Variants in DACH2 observed in about 807,000 individuals in gnomAD.
DACH2 encodes dachshund homolog 2.
Under a neutral mutation model 35.8 loss-of-function variants are expected in DACH2, and 17 were observed. The ratio of observed to expected loss-of-function variants is 0.48; its 90% confidence interval spans 0.33 to 0.71. DACH2 has a LOEUF of 0.71. Among genes scored for constraint, DACH2 ranks in the 30% least tolerant of loss-of-function variants. The pLI is 0.02. For synonymous variants in DACH2, 195 were observed against 177.3 expected (o/e 1.10, Z -0.79); for missense variants, 469 against 472.7 (o/e 0.99, Z 0.07).
At chrX:86,342,535 G>A (rs943791385) in intron 1 of DACH2, among the ~76,000 whole-genome samples, 12 of 108,309 alleles carry the variant, frequency 1.1e-4, no homozygotes, top group Non-Finnish European at 2.1e-4. Flanking sequence ...GGCCAGGTAC[G>A]GTGGCTCACT....
chrX:86,376,859 A>G lies in DACH2; in HGVS notation c.524A>G (p.Asn175Ser). The change falls in exon 2 of 12, where the codon AAC becomes AGC. Residue 175 changes from asparagine (N) to serine (S), a missense_variant. By Grantham distance (46) the Asn-to-Ser change is conservative. Transcript: ENST00000373125. ...CAAATGACAAGAAAACAAGCTGTTAACAGGTATTTATGTATTTATTTTTTA... is the reference window on the plus strand; with the variant it reads ...CAAATGACAAGAAAACAAGCTGTTAGCAGGTATTTATGTATTTATTTTTTA... ...KRQMTRKQAV[N>S]SSRPGRPPKR... is the part of the protein sequence containing the mutation. The G allele has an allele frequency of 1.3e-6, 1 of 797,662 alleles. No individual in the cohort carries two copies. The highest frequency in any genetic ancestry group is 1.9e-6 in the Non-Finnish European group (1 of 529,729). The allele number at this position is 797,662 out of a possible 1,213,427, so 65.7% of individuals were successfully genotyped here.
intron 2 of DACH2, among the ~76,000 whole-genome samples, chrX:86,445,578 A>AAAAAG (rs1556171759): frequency 5.8e-5 from 6 of 102,841 alleles, no homozygotes; most frequent in Non-Finnish European, 9.8e-5. Context: ...AAAAAAAAAA[A>AAAAAG]AAAGAAATTT....
intron 2 of DACH2, among the ~76,000 whole-genome samples, chrX:86,443,742 C>T (rs1430275682): frequency 9.0e-6 from 1 of 111,407 alleles, no homozygotes; most frequent in African/African-American, 3.3e-5. Flanking sequence ...TTTTTCTGCA[C>T]CAACTGAAAT....
At chrX:86,551,640 G>A (rs1324885493) in intron 3 of DACH2, among the ~76,000 whole-genome samples, 1 of 111,851 alleles carries the variant, frequency 8.9e-6, no homozygotes, top group East Asian at 2.8e-4. Context: ...TAGATGCCAA[G>A]CCTCTTATAC....
At chrX:86,582,512 A>G (rs1471575646) in intron 3 of DACH2, among the ~76,000 whole-genome samples, 1 of 111,527 alleles carries the variant, frequency 9.0e-6, no homozygotes, top group African/African-American at 3.3e-5. Flanking sequence ...AGAAATGATA[A>G]AGTCATATTT....
chrX:86,231,539 G>T (rs1006529952), intron 1 of DACH2, among the ~76,000 whole-genome samples: 1 of 111,182 alleles, frequency 9.0e-6, no homozygotes, highest in African/African-American at 3.3e-5. Context: ...AGTCATGCAG[G>T]TTGTCAGGGA....
intron 2 of DACH2, among the ~76,000 whole-genome samples, chrX:86,431,134 G>A (rs1213249814): frequency 9.0e-6 from 1 of 111,288 alleles, no homozygotes; most frequent in Admixed American, 9.6e-5. Flanking sequence ...TTTTTTATGG[G>A]TTTATAGTTT....
intron 1 of DACH2, among the ~76,000 whole-genome samples, chrX:86,163,957 T>G (rs1355077077): frequency 8.9e-6 from 1 of 111,962 alleles, no homozygotes; most frequent in African/African-American, 3.2e-5. Flanking sequence ...CTGGGATTGC[T>G]GGGTCAAATG....
chrX:86,520,088 A>T (rs2148276543), intron 3 of DACH2, among the ~76,000 whole-genome samples: 1 of 111,262 alleles, frequency 9.0e-6, no homozygotes, highest in South Asian at 3.7e-4. Flanking sequence ...TGTCCCAGAG[A>T]TTCTGGTGTG....
intron 2 of DACH2, among the ~76,000 whole-genome samples, chrX:86,407,190 G>A (rs2036540293): frequency 9.0e-6 from 1 of 111,533 alleles, no homozygotes; most frequent in South Asian, 3.7e-4. Context: ...CTGGAAGTTT[G>A]GAAATCTAAT....
rs199666829 is a variant in DACH2 at position 86,367,010 on chromosome X, AT to A, written c.489-9806del. 8.5e-4 allele frequency among the ~76,000 whole-genome samples: 94 copies of A among 110,323 alleles called. 1 individual carries two copies. Among genetic ancestry groups the A allele is most frequent in the Non-Finnish European group, 1.7e-3 (88 of 52,669 alleles). On this transcript the variant is annotated intron_variant, in intron 1 of 11. Transcript: ENST00000373125. ...AAAGCAAAATGGACTAATGCACCAT[AT>A]TTTTTTTAAAGATGCAGCATTTGAA...
chrX:86,528,270 G>A (rs62594980), intron 3 of DACH2, among the ~76,000 whole-genome samples: 5,447 of 111,737 alleles, frequency 0.049, 115 homozygotes, highest in Middle Eastern at 0.098. Context: ...TACTATTTAT[G>A]ACTTTGTTAT....
chrX:86,315,454 G>A (rs2034881046), intron 1 of DACH2, among the ~76,000 whole-genome samples: 1 of 111,895 alleles, frequency 8.9e-6, no homozygotes, highest in African/African-American at 3.3e-5. Context: ...GGATCAAGGA[G>A]CAATTTCGAT....
At chrX:86,208,702 A>G (rs1305796699) in intron 1 of DACH2, among the ~76,000 whole-genome samples, 5 of 111,510 alleles carry the variant, frequency 4.5e-5, no homozygotes, top group African/African-American at 6.5e-5. Context: ...GAACTCACGG[A>G]CTTGAAGGAA....
intron 1 of DACH2, among the ~76,000 whole-genome samples, chrX:86,164,636 T>A (rs1335378948): frequency 1.8e-5 from 2 of 111,811 alleles, no homozygotes; most frequent in East Asian, 2.8e-4. Flanking sequence ...GGGTCCAGCT[T>A]CAGTCTTCTG....
intron 1 of DACH2, among the ~76,000 whole-genome samples, chrX:86,316,528 C>A (rs180911589): frequency 1.0e-3 from 113 of 111,626 alleles, no homozygotes; most frequent in Non-Finnish European, 1.4e-3. Flanking sequence ...GCAGGGGACT[C>A]TTTTCACTTG....
chrX:86,359,942 A>T (rs978068598), intron 1 of DACH2, among the ~76,000 whole-genome samples: 3 of 109,461 alleles, frequency 2.7e-5, no homozygotes, highest in African/African-American at 1.0e-4. Flanking sequence ...GGTGCATGCA[A>T]CTAGATCACC....
At chrX:86,516,973 G>T (rs1163667317) in intron 3 of DACH2, among the ~76,000 whole-genome samples, 1 of 111,175 alleles carries the variant, frequency 9.0e-6, no homozygotes, top group East Asian at 2.8e-4. Context: ...GGGCATTTAG[G>T]TTGATTCTGT....
At chrX:86,410,311 C>T (rs1177015319) in intron 2 of DACH2, among the ~76,000 whole-genome samples, 2 of 112,183 alleles carry the variant, frequency 1.8e-5, no homozygotes, top group Non-Finnish European at 3.8e-5. Flanking sequence ...CAACAGCAGA[C>T]ACTAAACTGT....
Sources: allele counts gnomAD v4.1 joint callset (sites outside exome capture counted in the v4.1 genomes callset), GRCh38; gene constraint gnomAD v4.1.1; transcripts MANE v1.5; gene names NCBI Gene and HGNC (gene_info 2026-07-23, HGNC 2026-07-21).